The following PAN3 variants were observed in gnomAD, a reference collection of about 807,000 sequenced individuals.
PAN3 encodes the protein poly(A) specific ribonuclease subunit PAN3, also known as PAN2-PAN3 deadenylation complex subunit PAN3.
In PAN3, 19 loss-of-function variants were observed where a neutral mutation model predicts 96.2. The ratio of observed to expected loss-of-function variants is 0.20; its 90% CI spans 0.14 to 0.29. The LOEUF is 0.29. PAN3 is among the 10% of genes least tolerant of loss of function. The pLI is 1.00. For missense variants in PAN3, 882 were observed against 1,108.1 expected (o/e 0.80, Z 2.90); for synonymous variants, 433 against 406.6 (o/e 1.06, Z -0.78).
At chr13:28,195,059 AGAGT>A (rs1877850700) in intron 4 of PAN3, among the ~76,000 whole-genome samples, 1 of 152,178 alleles carries the variant, frequency 6.6e-6, no homozygotes, top group South Asian at 2.1e-4. Context: ...ATAGACATAG[AGAGT>A]AACTAGATTG....
intron 13 of PAN3, 137 bp downstream of exon 13, chr13:28,271,003 G>T: frequency 2.2e-5 from 21 of 935,842 alleles, no homozygotes; most frequent in Admixed American, 5.9e-5. Flanking sequence ...GAATTCATTT[G>T]TAAGCTTTTT....
chr13:28,261,252 T>G, intron 8 of PAN3, 149 bp from the exon 9 acceptor site: 1 of 445,982 alleles, frequency 2.2e-6, no homozygotes, highest in Non-Finnish European at 3.9e-6. Context: ...CATTTTACCA[T>G]GTTTAGAAAT....
At chr13:28,266,994 C>T (rs1886238098) in intron 10 of PAN3, 101 bp from the exon 11 acceptor site, 2 of 1,305,478 alleles carry the variant, frequency 1.5e-6, no homozygotes, top group Non-Finnish European at 2.1e-6. Context: ...AAATTAGTAC[C>T]TCATGAGCAA....
chr13:28,207,726 A>G (rs993878107), intron 5 of PAN3, among the ~76,000 whole-genome samples: 10 of 152,194 alleles, frequency 6.6e-5, no homozygotes, highest in Non-Finnish European at 1.0e-4. Flanking sequence ...CTAATTATTC[A>G]TTTATAGAAC....
intron 5 of PAN3, among the ~76,000 whole-genome samples, chr13:28,206,619 GC>G (rs1270995234): frequency 6.6e-6 from 1 of 151,994 alleles, no homozygotes; most frequent in African/African-American, 2.4e-5. Context: ...ACCACACGCG[GC>G]CCCTAACTGA....
chr13:28,196,725 A>T (rs894044189), intron 4 of PAN3, among the ~76,000 whole-genome samples: 5 of 152,168 alleles, frequency 3.3e-5, no homozygotes, highest in African/African-American at 9.6e-5. Flanking sequence ...TCAGTAGGAA[A>T]TAAAGTAACA....
intron 17 of PAN3, among the ~76,000 whole-genome samples, chr13:28,282,962 C>T (rs1211755597): frequency 1.3e-5 from 2 of 151,934 alleles, no homozygotes; most frequent in Non-Finnish European, 2.9e-5. Context: ...TTTTTTTAGT[C>T]TTGCAAGTTT....
intron 5 of PAN3, 72 bp downstream of exon 5, chr13:28,197,418 G>A (rs1338402272): frequency 7.0e-7 from 1 of 1,433,224 alleles, no homozygotes; most frequent in Non-Finnish European, 9.4e-7. Context: ...GTTTGGGGTG[G>A]TGGTTGTGAA....
intron 9 of PAN3, among the ~76,000 whole-genome samples, chr13:28,265,071 T>C (rs183453580): frequency 2.8e-4 from 42 of 152,352 alleles, no homozygotes; most frequent in African/African-American, 9.9e-4. Context: ...TAATCCTGTA[T>C]TAAGTGCTCC....
intron 1 of PAN3, among the ~76,000 whole-genome samples, chr13:28,147,859 G>A (rs1167731007): frequency 6.6e-6 from 1 of 151,970 alleles, no homozygotes; most frequent in African/African-American, 2.4e-5. Context: ...CCTGAAAAAA[G>A]CTTTGTCTTT....
At chr13:28,182,279 T>C (rs988501217) in intron 4 of PAN3, among the ~76,000 whole-genome samples, 2 of 152,230 alleles carry the variant, frequency 1.3e-5, no homozygotes, top group Admixed American at 6.5e-5. Flanking sequence ...GAGAAATCTT[T>C]CAAATTTGTG....
intron 18 of PAN3, among the ~76,000 whole-genome samples, chr13:28,289,881 CA>C (rs1251852006): frequency 2.1e-5 from 3 of 141,332 alleles, no homozygotes; most frequent in Admixed American, 7.1e-5. Context: ...GACTCCGTCT[CA>C]AAAAAAAAAG....
At chr13:28,139,520 G>GTGTGTGTGTGTGTT (rs1254586131) in intron 1 of PAN3, among the ~76,000 whole-genome samples, 8 of 143,540 alleles carry the variant, frequency 5.6e-5, no homozygotes, top group African/African-American at 2.1e-4. Flanking sequence ...GTGTTTGTGT[G>GTGTGTGTGTGTGTT]TGTGTGTGTG....
intron 4 of PAN3, among the ~76,000 whole-genome samples, chr13:28,189,074 C>G (rs1223950892): frequency 6.6e-6 from 1 of 152,156 alleles, no homozygotes; most frequent in Admixed American, 6.5e-5. Context: ...TCTGTTCTTT[C>G]CTTTGACATA....
chr13:28,190,444 T>TG (rs1877100973), intron 4 of PAN3, among the ~76,000 whole-genome samples: 1 of 151,204 alleles, frequency 6.6e-6, no homozygotes, highest in Non-Finnish European at 1.5e-5. Context: ...GGGTAGAGAT[T>TG]GGGGGGTTCT....
chr13:28,228,132 A>G (rs1462054328), intron 6 of PAN3, among the ~76,000 whole-genome samples: 1 of 152,180 alleles, frequency 6.6e-6, no homozygotes, highest in Non-Finnish European at 1.5e-5. Context: ...TGGAGAAGAT[A>G]GTATTTGTGT....
chr13:28,238,338 C>T (rs187023562), intron 6 of PAN3, among the ~76,000 whole-genome samples: 1 of 152,052 alleles, frequency 6.6e-6, no homozygotes, highest in African/African-American at 2.4e-5. Context: ...GTGCTTAATC[C>T]CCCTGAAACC....
At chr13:28,155,300 A>G (rs1871987664) in intron 1 of PAN3, among the ~76,000 whole-genome samples, 1 of 152,110 alleles carries the variant, frequency 6.6e-6, no homozygotes, top group Non-Finnish European at 1.5e-5. Context: ...GTTGGGGAAT[A>G]CAAAGACATA....
At chr13:28,242,591 G>C (rs570843973) in intron 6 of PAN3, among the ~76,000 whole-genome samples, 1 of 152,300 alleles carries the variant, frequency 6.6e-6, no homozygotes, top group Admixed American at 6.5e-5. Flanking sequence ...TATTTCAGAA[G>C]GATGAACTAG....
Sources: gnomAD v4.1 joint callset for allele counts (sites outside exome capture counted in the v4.1 genomes callset) on GRCh38, gnomAD v4.1.1 for gene constraint, MANE v1.5 for transcripts, NCBI Gene and HGNC (gene_info 2026-07-23, HGNC 2026-07-21) for gene names.